The following AARS1 variants were observed in gnomAD, a reference collection of about 807,000 sequenced individuals.
The protein encoded by AARS1 is alanyl-tRNA synthetase 1, also known as alanine--tRNA ligase, cytoplasmic.
A neutral mutation model predicts 108.9 loss-of-function variants in AARS1; 72 were observed. The ratio of observed to expected loss-of-function variants is 0.66; its 90% CI spans 0.55 to 0.80. The LOEUF (loss-of-function observed/expected upper bound fraction) is 0.80, where lower values mean the gene tolerates loss of function less well. Among genes scored for constraint, AARS1 ranks in the 30% least tolerant of loss-of-function variants. The pLI, the probability that AARS1 is intolerant of heterozygous loss-of-function variation, is 0.00. For synonymous variants in AARS1, 489 were observed against 465.7 expected, an observed-to-expected ratio of 1.05 and a Z score of -0.64; for missense variants, 1,193 against 1,233.2, an observed-to-expected ratio of 0.97 and a Z score of 0.49.
intron 2 of AARS1, among the ~76,000 whole-genome samples, chr16:70,280,745 A>T (rs1960677933): frequency 6.6e-6 from 1 of 152,180 alleles, no homozygotes; most frequent in African/African-American, 2.4e-5. Flanking sequence ...AACTCCTCTT[A>T]AACTCCTTTA....
chr16:70,271,953 G>A lies in AARS1; in HGVS notation c.499C>T (p.Leu167Phe). Residue 167 changes from leucine to phenylalanine, a missense_variant, in exon 5 of 21, where the codon CTC becomes TTC. Physicochemically the swap from Leu to Phe is conservative, Grantham distance 22. Coordinates refer to ENST00000261772, the MANE Select transcript of AARS1 (RefSeq NM_001605.3). Reference sequence around the variant, plus strand: ...AAGTTATCCTTCATGTTGCCTGGGAGGATTTTGGTGTCATCCAGCCTGACA... The same window carrying A: ...AAGTTATCCTTCATGTTGCCTGGGAAGATTTTGGTGTCATCCAGCCTGACA... ...QNLGLDDTKI[L>F]PGNMKDNFWE... 1.2e-6 allele frequency: 2 copies of A among 1,613,744 alleles called. No homozygotes were observed. Among genetic ancestry groups the A allele is most frequent in the South Asian group, 2.2e-5 (2 of 91,062 alleles).
intron 14 of AARS1, 145 bp from the exon 15 acceptor site, chr16:70,258,362 G>A (rs746790771): frequency 3.2e-5 from 26 of 810,236 alleles, no homozygotes; most frequent in Non-Finnish European, 4.3e-5. Flanking sequence ...TCAATCACAC[G>A]CCACGTGCAA....
rs34129241 is a variant in AARS1 at position 70,272,506 on chromosome 16, CAAAAAAAAAAAA to C, written c.480-546_480-535del. Reference sequence around the variant, plus strand: ...GGGCAACGAGAGCAAAACTCCATCTCAAAAAAAAAAAAAAAAAAAAAAAAAAAAAACCCGCTA... The same window carrying C: ...GGGCAACGAGAGCAAAACTCCATCTCAAAAAAAAAAAAAAAAAACCCGCTA... On this transcript the variant is annotated intron_variant, in intron 4 of 20. Coordinates refer to ENST00000261772, the MANE Select transcript of AARS1 (RefSeq NM_001605.3). Among the ~76,000 whole-genome samples the C allele has an allele frequency of 1.1e-3, 18 of 17,026 alleles. No homozygotes were observed. In the East Asian group the frequency reaches 0.017, roughly 16 times the overall value. The allele number at this position is 17,026 out of a possible 152,430, so 11.2% of individuals were successfully genotyped here. A position where few individuals can be genotyped will look rare whatever the true frequency, so the allele number is the denominator to read the frequency against.
In AARS1 at chr16:70,253,939, T is replaced by C. The variant is rs1185510249; in HGVS notation, c.2500A>G (p.Lys834Glu). The C allele has an allele frequency of 6.2e-7, 1 of 1,614,236 alleles. No individual in the cohort carries two copies. Among genetic ancestry groups the C allele is most frequent in the Non-Finnish European group, 8.5e-7 (1 of 1,180,036 alleles). Residue 834 changes from lysine to glutamate, a missense_variant, in exon 18 of 21, where the codon AAA (lysine) becomes GAA (glutamate). By Grantham distance (56) the Lys-to-Glu change is moderately conservative. Coordinates refer to ENST00000261772, the MANE Select transcript of AARS1 (RefSeq NM_001605.3). The stretch of plus-strand genomic sequence containing the variant: ...CTCACTCGTTTCTGGACATCGGCTT[T>C]GCTGGCTCGGTCCAAGTCATCCATG... The part of the protein sequence containing the change: ...KVMDDLDRAS[K>E]ADVQKRVLEK...
rs543765023 is a variant in AARS1 at position 70,285,592 on chromosome 16, G to C, written c.-21-2808C>G. On this transcript the variant is annotated intron_variant, in intron 1 of 20. Coordinates refer to ENST00000261772, the MANE Select transcript of AARS1 (RefSeq NM_001605.3). ...GCCTCCTGGGTAACCTGGATTACAG[G>C]TAAGTGCCACCACACCCAGCTAATG... 7.2e-5 allele frequency among the ~76,000 whole-genome samples: 11 copies of C among 152,246 alleles called. No homozygotes were observed. The East Asian group carries it at 1.5e-3, about 21-fold the overall frequency.
intron 7 of AARS1, among the ~76,000 whole-genome samples, chr16:70,269,375 A>G (rs1480081657): frequency 7.0e-6 from 1 of 143,132 alleles, no homozygotes; most frequent in Non-Finnish European, 1.5e-5. Context: ...CGTCTCTACT[A>G]AAAGTACAAA....
In AARS1 at chr16:70,276,606, T is replaced by C. The variant is rs774765636; in HGVS notation, c.359A>G (p.Glu120Gly). The change falls in exon 4 of 21, where the codon GAA becomes GGA. Residue 120 changes from glutamate (E) to glycine (G), a missense_variant. Transcript: ENST00000261772. ...AATGCCAAACTCTTGGGTGAGGAGT[T>C]CCAGAGCCATCTTACATGCCAATTC... ...FKELACKMALELLTQEFGIPI... is the reference protein window; with the variant it reads ...FKELACKMALGLLTQEFGIPI... The C allele has an allele frequency of 6.2e-7, 1 of 1,614,060 alleles. No individual in the cohort carries two copies. Among genetic ancestry groups the C allele is most frequent in the Admixed American group, 1.7e-5 (1 of 59,998 alleles).
chr16:70,276,525 TC>T lies in AARS1; in HGVS notation c.439del (p.Glu147LysfsTer25). On this transcript the variant is annotated frameshift_variant, in exon 4 of 21. Coordinates refer to ENST00000261772, the MANE Select transcript of AARS1 (RefSeq NM_001605.3). LOFTEE classifies it high-confidence loss of function. ...YFGGDEAAGL[E>X]ADLECKQIWQ... is the part of the protein sequence containing the mutation. ...GATCTGTTTGCATTCCAGATCTGCTTCTAAGCCAGCTGCTTCATCCCCGCCA... is the reference window on the plus strand; with the variant it reads ...GATCTGTTTGCATTCCAGATCTGCTTTAAGCCAGCTGCTTCATCCCCGCCA... The T allele has an allele frequency of 6.2e-7, 1 of 1,614,176 alleles. No homozygotes were observed. Among genetic ancestry groups the T allele is most frequent in the South Asian group, 1.1e-5 (1 of 91,082 alleles).
chr16:70,275,894 G>A (rs917188005), intron 4 of AARS1, among the ~76,000 whole-genome samples: 3 of 121,970 alleles, frequency 2.5e-5, no homozygotes, highest in East Asian at 5.2e-4. Context: ...CTGAGATCAC[G>A]CCACTGCACT....
rs1164447733 is a variant in AARS1 at position 70,265,526 on chromosome 16, C to T, written c.1347+12G>A. ...GGTGTTGGGTTTCCTGTTCACTCTC[C>T]AAGTTCTTTACCTGGGCCAGTTTCC... On this transcript the variant is annotated intron_variant, in intron 10 of 20. Transcript: ENST00000261772. The T allele has an allele frequency of 6.2e-7, 1 of 1,613,764 alleles. No homozygotes were observed. Among genetic ancestry groups the T allele is most frequent in the South Asian group, 1.1e-5 (1 of 91,032 alleles).
At chr16:70,274,616 C>T (rs929893155) in intron 4 of AARS1, among the ~76,000 whole-genome samples, 2 of 151,098 alleles carry the variant, frequency 1.3e-5, no homozygotes, top group African/African-American at 2.4e-5. Flanking sequence ...CCCAGGTACT[C>T]GGGAGGCTGA....
At chr16:70,286,501 C>T (rs1960844449) in intron 1 of AARS1, among the ~76,000 whole-genome samples, 1 of 151,734 alleles carries the variant, frequency 6.6e-6, no homozygotes, top group South Asian at 2.1e-4. Context: ...GCTAGGACTA[C>T]AGGCATGTGC....
At chr16:70,287,952 A>C (rs1259167500) in intron 1 of AARS1, among the ~76,000 whole-genome samples, 4 of 151,312 alleles carry the variant, frequency 2.6e-5, no homozygotes, top group African/African-American at 4.9e-5. Context: ...TTTAGTAGAG[A>C]CGGGGTTTCT....
Position 70,258,057 on chromosome 16 carries a change from G to A in AARS1, c.2153C>T (p.Thr718Ile). Residue 718 changes from threonine (T) to isoleucine (I), a missense_variant, in exon 15 of 21, where the codon ACT becomes ATT. Physicochemically the swap from Thr to Ile is moderately conservative, Grantham distance 89. Coordinates refer to ENST00000261772, the MANE Select transcript of AARS1 (RefSeq NM_001605.3). ...DDPSGPAGSL[T>I]SVEFCGGTHL... is the part of the protein sequence containing the mutation. ...CGTTCCCCCACAGAACTCAACAGAA[G>A]TCAGGGAGCCAGCAGGCCCAGAGGG... 6 of 1,614,142 alleles carry A rather than the reference G, an allele frequency of 3.7e-6. No individual in the cohort carries two copies. The highest frequency in any genetic ancestry group is 5.1e-6 in the Non-Finnish European group (6 of 1,180,016).
intron 9 of AARS1, among the ~76,000 whole-genome samples, chr16:70,266,335 AT>A (rs1383186359): frequency 6.6e-6 from 1 of 150,434 alleles, no homozygotes; most frequent in Non-Finnish European, 1.5e-5. Flanking sequence ...ATAAAAAAAA[AT>A]AAATAAAAAA....
intron 4 of AARS1, 119 bp downstream of exon 4, chr16:70,276,367 C>T: frequency 8.6e-7 from 1 of 1,163,520 alleles, no homozygotes; most frequent in Non-Finnish European, 1.3e-6. Flanking sequence ...TCCCCATGTG[C>T]ATCTCAAAAG....
intron 6 of AARS1, 143 bp from the exon 7 acceptor site, chr16:70,269,906 T>A (rs192084852): frequency 1.0e-5 from 12 of 1,160,950 alleles, no homozygotes; most frequent in African/African-American, 8.0e-5. Context: ...GAACGTGACA[T>A]TGGGGAAGTA....
chr16:70,266,110 G>A (rs1960256817), intron 9 of AARS1, among the ~76,000 whole-genome samples: 1 of 152,200 alleles, frequency 6.6e-6, no homozygotes, highest in Non-Finnish European at 1.5e-5. Flanking sequence ...TCAGGAGATC[G>A]AGACCATCTT....
Position 70,252,355 on chromosome 16 carries a change from A to G in AARS1, c.*366T>C, listed in dbSNP as rs574061125. On this transcript the variant is annotated 3_prime_UTR_variant, in exon 21 of 21. Transcript: ENST00000261772. ...AAGGCTGTCAAAAGAGCCAGCCCCT[A>G]TTGGGAAGAGGGATAGAGATCATGC... is the stretch of plus-strand genomic sequence containing the variant. 2.8e-6 allele frequency: 1 copy of G among 356,968 alleles called. No homozygotes were observed. The highest frequency in any genetic ancestry group is 2.1e-5 in the African/African-American group (1 of 47,916). The allele number at this position is 356,968 out of a possible 1,614,324, so 22.1% of individuals were successfully genotyped here. A position where few individuals can be genotyped will look rare whatever the true frequency, so the allele number is the denominator to read the frequency against.
Sources: gnomAD v4.1 joint callset for allele counts (sites outside exome capture counted in the v4.1 genomes callset) on GRCh38, gnomAD v4.1.1 for gene constraint, MANE v1.5 for transcripts, NCBI Gene and HGNC (gene_info 2026-07-23, HGNC 2026-07-21) for gene names.